Variants in PCCB observed in about 807,000 individuals in gnomAD.
PCCB encodes propionyl-CoA carboxylase beta chain, mitochondrial.
In PCCB, 43 loss-of-function variants were observed where a neutral mutation model predicts 60.7. The ratio of observed to expected loss-of-function variants is 0.71; its 90% CI spans 0.55 to 0.91. The LOEUF is 0.91. Ranked by LOEUF, PCCB falls within the 40% of genes least tolerant of loss-of-function variation. The pLI, the probability that PCCB is intolerant of heterozygous loss-of-function variation, is 0.00. For missense variants in PCCB, 766 were observed against 702.8 expected (o/e 1.09, Z -1.02); for synonymous variants, 276 against 255.9 (o/e 1.08, Z -0.75).
In PCCB at chr3:136,250,759, T is replaced by C. The variant is rs77598352; in HGVS notation, c.183+201T>C. Among the ~76,000 whole-genome samples, 1,921 of 152,304 alleles carry C rather than the reference T, an allele frequency of 0.013. 34 individuals carry two copies. The highest frequency in any genetic ancestry group is 0.046 in the East Asian group (240 of 5,166). ...GCAGAAGCACCTGTGTGCTTTTTCA[T>C]ACTGTTTAACCCTTGGGATTTAGAC... On this transcript the variant is annotated intron_variant, in intron 1 of 14. Transcript: ENST00000251654.
In PCCB at chr3:136,316,980, T is replaced by A. The variant is rs760550246; in HGVS notation, c.1006T>A (p.Tyr336Asn). 2 of 1,613,966 alleles carry A rather than the reference T, an allele frequency of 1.2e-6. No individual in the cohort carries two copies. The highest frequency in any genetic ancestry group is 8.5e-7 in the Non-Finnish European group (1 of 1,179,860). The change falls in exon 10 of 15, where the codon TAT becomes AAT. Residue 336 changes from tyrosine (Y) to asparagine (N), a missense_variant. Transcript: ENST00000251654. ...TGAATTTTTTGAGATCATGCCCAAT[T>A]ATGCCAAGAACATCATTGTTGGTTT... Reference protein sequence around the residue: ...EREFFEIMPNYAKNIIVGFAR... With the variant: ...EREFFEIMPNNAKNIIVGFAR...
At chr3:136,327,024 T>A in intron 11 of PCCB, 114 bp downstream of exon 11, 1 of 1,118,734 alleles carries the variant, frequency 8.9e-7, no homozygotes, top group Non-Finnish European at 1.4e-6. Flanking sequence ...CTCCATGTAT[T>A]CTGGGTGTCC....
At chr3:136,288,805 T>A (rs1470356902) in intron 6 of PCCB, among the ~76,000 whole-genome samples, 1 of 152,092 alleles carries the variant, frequency 6.6e-6, no homozygotes, top group Non-Finnish European at 1.5e-5. Context: ...TTTTTATTTA[T>A]TTTATTTATT....
chr3:136,280,291 G>A (rs1444483638), intron 5 of PCCB, among the ~76,000 whole-genome samples: 4 of 152,104 alleles, frequency 2.6e-5, no homozygotes, highest in Admixed American at 6.5e-5. Context: ...CTTCTTTCTT[G>A]AAGGATAGTT....
intron 10 of PCCB, among the ~76,000 whole-genome samples, chr3:136,320,919 A>C (rs1935085207): frequency 6.6e-6 from 1 of 152,184 alleles, no homozygotes; most frequent in Non-Finnish European, 1.5e-5. Context: ...AGGGAGGAAA[A>C]CCTAATCTTT....
chr3:136,283,728 T>G (rs147817450), intron 5 of PCCB, 109 bp from the exon 6 acceptor site: 7 of 761,464 alleles, frequency 9.2e-6, no homozygotes, highest in African/African-American at 6.8e-5. Context: ...CTGTATAGAA[T>G]TTCTGTGGGA....
chr3:136,293,680 T>A, intron 6 of PCCB, 76 bp from the exon 7 acceptor site: 2 of 904,856 alleles, frequency 2.2e-6, no homozygotes. Flanking sequence ...ATTTGTCATC[T>A]TGGCTGAATC....
rs747358846 is a variant in PCCB at position 136,262,082 on chromosome 3, T to C, written c.543+17T>C. The C allele has an allele frequency of 6.8e-7, 1 of 1,465,168 alleles. No homozygotes were observed. Among genetic ancestry groups the C allele is most frequent in the Non-Finnish European group, 9.4e-7 (1 of 1,067,836 alleles). 90.8% of individuals were successfully genotyped at this position (1,465,168 alleles called of 1,614,324 possible). ...ATCTTTCTGGTGAGAAACCTGTTAA[T>C]AGAGAATAAAAAAATACAGGGCTTA... On this transcript the variant is annotated intron_variant, in intron 5 of 14. Coordinates refer to ENST00000251654, the MANE Select transcript of PCCB (RefSeq NM_000532.5).
chr3:136,328,659 T>G, intron 13 of PCCB, 99 bp from the exon 14 acceptor site: 2 of 937,642 alleles, frequency 2.1e-6, no homozygotes, highest in Non-Finnish European at 3.5e-6. Context: ...GTACACTGAT[T>G]TACCAAGAAA....
At chr3:136,310,760 G>T (rs932889687) in intron 9 of PCCB, among the ~76,000 whole-genome samples, 3 of 152,032 alleles carry the variant, frequency 2.0e-5, no homozygotes, top group African/African-American at 7.3e-5. Flanking sequence ...TGGCCTACTG[G>T]GATGTATTCT....
chr3:136,301,055 A>G lies in PCCB; in HGVS notation c.910A>G (p.Thr304Ala). The change falls in exon 9 of 15, where the codon ACA (threonine) becomes GCA (alanine). Residue 304 changes from threonine (T) to alanine (A), a missense_variant. Physicochemically the swap from Thr to Ala is moderately conservative, Grantham distance 58 (BLOSUM62 0). Transcript: ENST00000251654. ...TGACCGTCTGGTTCCTGAGCTTGAC[A>G]CAATTGTCCCTTTGGAATCAACCAA... Reference protein sequence around the residue: ...PSDRLVPELDTIVPLESTKAY... With the variant: ...PSDRLVPELDAIVPLESTKAY... The G allele has an allele frequency of 6.2e-7, 1 of 1,614,146 alleles. No individual in the cohort carries two copies. Among genetic ancestry groups the G allele is most frequent in the East Asian group, 2.2e-5 (1 of 44,888 alleles).
At position 136,297,992 on chromosome 3, in the gene PCCB, G is replaced by C. The variant is rs200865436; in HGVS notation, c.804G>C (p.Leu268Phe). The change falls in exon 8 of 15, where the codon TTG becomes TTC. Residue 268 changes from leucine to phenylalanine, a missense_variant. By Grantham distance (22) the Leu-to-Phe change is conservative. Transcript: ENST00000251654. ...HRAFENDVDA[L>F]CNLRDFFNYL... ...CTTTTGAAAATGATGTTGATGCCTT[G>C]TGTAATCTCCGGGATTTCTTCAACT... 6.2e-7 allele frequency: 1 copy of C among 1,614,112 alleles called. No individual in the cohort carries two copies. Among genetic ancestry groups the C allele is most frequent in the East Asian group, 2.2e-5 (1 of 44,876 alleles).
rs775746116 is a variant in PCCB at position 136,327,089 on chromosome 3, A to C, written c.1199-66A>C. ...TCTCCAGAGGTGGGAAAGACCTCAC[A>C]GCTGAGAGTGGCAGGATAACCATGT... On this transcript the variant is annotated intron_variant, in intron 11 of 14. Coordinates refer to ENST00000251654, the MANE Select transcript of PCCB (RefSeq NM_000532.5). 4 of 1,464,938 alleles carry C rather than the reference A, an allele frequency of 2.7e-6. No homozygotes were observed. The South Asian group carries it at 4.5e-5, about 17-fold the overall frequency. The allele number at this position is 1,464,938 out of a possible 1,614,324, so 90.7% of individuals were successfully genotyped here. A position where few individuals can be genotyped will look rare whatever the true frequency, so the allele number is the denominator to read the frequency against.
chr3:136,311,695 C>T, intron 9 of PCCB, among the ~76,000 whole-genome samples: 1 of 152,068 alleles, frequency 6.6e-6, no homozygotes, highest in Non-Finnish European at 1.5e-5. Context: ...CATGGTGGCT[C>T]ACACCTGTAA....
In PCCB at chr3:136,317,060, C is replaced by T. The variant is rs748740009; in HGVS notation, c.1086C>T (p.Ala362=). The T allele has an allele frequency of 5.6e-6, 9 of 1,613,978 alleles. No homozygotes were observed. Among genetic ancestry groups the T allele is most frequent in the Non-Finnish European group, 6.8e-6 (8 of 1,180,008 alleles). Residue 362 remains alanine (A), a synonymous_variant, in exon 10 of 15, where the codon GCC becomes GCT. Transcript: ENST00000251654. ...TTGTTGGCAACCAACCTAAGGTGGCCTCAGGTAGGATGGAGCTCTTATAAG... is the reference window on the plus strand; with the variant it reads ...TTGTTGGCAACCAACCTAAGGTGGCTTCAGGTAGGATGGAGCTCTTATAAG... ...VGIVGNQPKV[A]SGCLDINSSV... is the part of the protein sequence containing the mutation.
intron 2 of PCCB, 55 bp downstream of exon 2, chr3:136,256,030 C>T (rs1941664068): frequency 1.9e-6 from 3 of 1,612,146 alleles, no homozygotes; most frequent in Non-Finnish European, 2.5e-6. Flanking sequence ...AGCTGGCCTA[C>T]CCACTAGAAT....
chr3:136,254,233 T>G (rs993213426), intron 1 of PCCB, among the ~76,000 whole-genome samples: 1 of 151,656 alleles, frequency 6.6e-6, no homozygotes, highest in African/African-American at 2.4e-5. Flanking sequence ...TGTTTTTGTT[T>G]TTTGAGACAG....
chr3:136,298,172 A>G, intron 8 of PCCB, 100 bp downstream of exon 8: 1 of 1,485,788 alleles, frequency 6.7e-7, no homozygotes, highest in Admixed American at 1.7e-5. Flanking sequence ...GGCAAGTTGC[A>G]GCAGAGTGTG....
intron 1 of PCCB, among the ~76,000 whole-genome samples, chr3:136,253,169 A>T (rs1374882759): frequency 6.9e-6 from 1 of 144,536 alleles, no homozygotes; most frequent in African/African-American, 2.6e-5. Context: ...GGCTCACTGC[A>T]AGCTCCGCCT....
Sources: gnomAD v4.1 joint callset for allele counts (sites outside exome capture counted in the v4.1 genomes callset) on GRCh38, gnomAD v4.1.1 for gene constraint, MANE v1.5 for transcripts, NCBI Gene and HGNC (gene_info 2026-07-23, HGNC 2026-07-21) for gene names.